The following NALF1 variants were observed in gnomAD, a reference collection of about 807,000 sequenced individuals.
The protein encoded by NALF1 is NALCN channel auxiliary factor 1, also known as family with sequence similarity 155 member A.
A neutral mutation model predicts 48.4 loss-of-function variants in NALF1; 3 were observed. The ratio of observed to expected loss-of-function variants is 0.06; its 90% CI spans 0.03 to 0.16. The LOEUF (loss-of-function observed/expected upper bound fraction) is 0.16, where lower values mean the gene tolerates loss of function less well. Among genes scored for constraint, NALF1 ranks in the 10% least tolerant of loss-of-function variants. NALF1 has a pLI of 1.00. For missense variants in NALF1, 526 were observed against 571.5 expected, an observed-to-expected ratio of 0.92 and a Z score of 0.81; for synonymous variants, 262 against 245.7, an observed-to-expected ratio of 1.07 and a Z score of -0.62.
intron 1 of NALF1, among the ~76,000 whole-genome samples, chr13:107,410,190 T>C (rs898929815): frequency 6.6e-6 from 1 of 152,136 alleles, no homozygotes; most frequent in Non-Finnish European, 1.5e-5. Flanking sequence ...TTAAGTTGGG[T>C]TGATGCAGCC....
chr13:107,794,131 C>T (rs1566484263), intron 1 of NALF1, among the ~76,000 whole-genome samples: 1 of 152,156 alleles, frequency 6.6e-6, no homozygotes, highest in Non-Finnish European at 1.5e-5. Context: ...TTATATGTAA[C>T]CTACAGCCAA....
At chr13:107,614,521 A>G (rs1446944320) in intron 1 of NALF1, among the ~76,000 whole-genome samples, 1 of 152,222 alleles carries the variant, frequency 6.6e-6, no homozygotes, top group East Asian at 1.9e-4. Context: ...AATAAGGCTG[A>G]TATGAAGATT....
At chr13:107,829,259 T>C (rs1566498409) in intron 1 of NALF1, among the ~76,000 whole-genome samples, 1 of 152,214 alleles carries the variant, frequency 6.6e-6, no homozygotes, top group Non-Finnish European at 1.5e-5. Flanking sequence ...TGTTCTACAC[T>C]ATACCTAGGA....
At chr13:107,583,689 C>A (rs1306404663) in intron 1 of NALF1, among the ~76,000 whole-genome samples, 3 of 152,124 alleles carry the variant, frequency 2.0e-5, no homozygotes, top group Non-Finnish European at 4.4e-5. Context: ...CTTTACCTGG[C>A]ATCAGTAAAT....
chr13:107,434,128 C>T (rs767283580), intron 1 of NALF1, among the ~76,000 whole-genome samples: 1 of 152,190 alleles, frequency 6.6e-6, no homozygotes, highest in Admixed American at 6.5e-5. Flanking sequence ...GAGAATTCTA[C>T]AACTGTCATA....
At chr13:107,201,136 G>A (rs1197182553) in intron 2 of NALF1, among the ~76,000 whole-genome samples, 1 of 151,730 alleles carries the variant, frequency 6.6e-6, no homozygotes, top group African/African-American at 2.4e-5. Context: ...ATATGTGCAT[G>A]TACGTTGATA....
intron 1 of NALF1, among the ~76,000 whole-genome samples, chr13:107,554,232 G>T (rs545991861): frequency 6.6e-6 from 1 of 152,280 alleles, no homozygotes; most frequent in Non-Finnish European, 1.5e-5. Context: ...GCTTCTCTTT[G>T]CAGGAAGCTC....
intron 1 of NALF1, among the ~76,000 whole-genome samples, chr13:107,435,853 C>T (rs1884456088): frequency 6.6e-6 from 1 of 152,206 alleles, no homozygotes; most frequent in East Asian, 1.9e-4. Context: ...GCCACTTCTC[C>T]ATGTTCTTAG....
intron 1 of NALF1, among the ~76,000 whole-genome samples, chr13:107,517,476 C>CA (rs1056299425): frequency 2.0e-4 from 31 of 151,712 alleles, no homozygotes; most frequent in African/African-American, 6.5e-4. Flanking sequence ...AAAAAAAATA[C>CA]AAAAAATTAG....
intron 1 of NALF1, among the ~76,000 whole-genome samples, chr13:107,825,064 A>C (rs539046772): frequency 6.6e-6 from 1 of 152,344 alleles, no homozygotes; most frequent in East Asian, 1.9e-4. Context: ...TAGAAAGGAA[A>C]GGCAACACTA....
chr13:107,185,237 T>C (rs1566444518), intron 2 of NALF1, among the ~76,000 whole-genome samples: 1 of 152,138 alleles, frequency 6.6e-6, no homozygotes, highest in Non-Finnish European at 1.5e-5. Context: ...TCCAGAACTA[T>C]AAGAAAATAC....
At chr13:107,593,481 G>A (rs1237005516) in intron 1 of NALF1, among the ~76,000 whole-genome samples, 3 of 151,774 alleles carry the variant, frequency 2.0e-5, no homozygotes, top group Non-Finnish European at 4.4e-5. Context: ...TAATTTCCCA[G>A]AAGAAATAAG....
chr13:107,567,937 G>A (rs1877863387), intron 1 of NALF1, among the ~76,000 whole-genome samples: 1 of 149,890 alleles, frequency 6.7e-6, no homozygotes, highest in African/African-American at 2.5e-5. Context: ...GATCCAAGTT[G>A]TTATTTTTGT....
At chr13:107,766,272 T>C (rs1189556398) in intron 1 of NALF1, among the ~76,000 whole-genome samples, 1 of 152,180 alleles carries the variant, frequency 6.6e-6, no homozygotes. Flanking sequence ...ATATAATTCA[T>C]TTTAGACAGC....
chr13:107,251,781 T>C (rs1880705840), intron 1 of NALF1, among the ~76,000 whole-genome samples: 1 of 152,206 alleles, frequency 6.6e-6, no homozygotes, highest in East Asian at 1.9e-4. Flanking sequence ...CACAGTTGGA[T>C]TTTGAAAGAA....
chr13:107,553,081 CAATATATAGTA>C (rs1277013508), intron 1 of NALF1, among the ~76,000 whole-genome samples: 8 of 151,782 alleles, frequency 5.3e-5, no homozygotes, highest in African/African-American at 1.7e-4. Context: ...TCAATATCAT[CAATATATAGTA>C]AATGAAAAGC....
At position 107,310,017 on chromosome 13, in the gene NALF1, C is replaced by T. The variant is rs141000249; in HGVS notation, c.916-99262G>A. On this transcript the variant is annotated intron_variant, in intron 1 of 2. Transcript: ENST00000375915. ...CATCCCAGATGCCAATTCCACATGGCGCTACCAATAAGTTGGTATGCAAAT... is the reference window on the plus strand; with the variant it reads ...CATCCCAGATGCCAATTCCACATGGTGCTACCAATAAGTTGGTATGCAAAT... 1.5e-4 allele frequency among the ~76,000 whole-genome samples: 23 copies of T among 152,242 alleles called. 1 individual carries two copies. Among genetic ancestry groups the T allele is most frequent in the South Asian group, 1.2e-3 (6 of 4,824 alleles).
At chr13:107,430,364 T>C (rs1357940943) in intron 1 of NALF1, among the ~76,000 whole-genome samples, 1 of 152,116 alleles carries the variant, frequency 6.6e-6, no homozygotes, top group East Asian at 1.9e-4. Flanking sequence ...TATGTATACA[T>C]GTGCCATGTT....
intron 1 of NALF1, among the ~76,000 whole-genome samples, chr13:107,307,532 GGAGTAC>G (rs1881959898): frequency 6.7e-6 from 1 of 148,430 alleles, no homozygotes; most frequent in Non-Finnish European, 1.5e-5. Context: ...CAGGCTGGTT[GGAGTAC>G]AGTGGCGCGA....
Sources: allele counts gnomAD v4.1 joint callset (sites outside exome capture counted in the v4.1 genomes callset), GRCh38; gene constraint gnomAD v4.1.1; transcripts MANE v1.5; gene names NCBI Gene and HGNC (gene_info 2026-07-23, HGNC 2026-07-21).